RPLP2: variants seen among roughly 807,000 people sequenced by gnomAD.
RPLP2 encodes the protein large ribosomal subunit protein P2.
A neutral mutation model predicts 11.5 loss-of-function variants in RPLP2; 1 was observed. The ratio of observed to expected loss-of-function variants is 0.09; its 90% CI spans 0.03 to 0.41. The LOEUF (loss-of-function observed/expected upper bound fraction) is 0.41. Among genes scored for constraint, RPLP2 ranks in the 10% least tolerant of loss-of-function variants. The pLI is 0.98. For synonymous variants in RPLP2, 82 were observed against 55.9 expected, an observed-to-expected ratio of 1.47 and a Z score of -2.08; for missense variants, 177 against 145.6, an observed-to-expected ratio of 1.22 and a Z score of -1.11.
chr11:810,059 C>T lies in RPLP2; in HGVS notation c.-2+20C>T. 1.3e-6 allele frequency: 1 copy of T among 758,686 alleles called. No homozygotes were observed. The highest frequency in any genetic ancestry group is 1.9e-6 in the Non-Finnish European group (1 of 529,526). 47.0% of individuals were successfully genotyped at this position (758,686 alleles called of 1,614,324 possible). On this transcript the variant is annotated intron_variant, in intron 1 of 4. Coordinates refer to ENST00000321153, the MANE Select transcript of RPLP2 (RefSeq NM_001004.4). ...CGCCGCGTGAGTGTGGTGACCGGGC[C>T]CGGGGTGCCGGCTGGGGACGCGGAG...
In RPLP2 at chr11:811,637, T is replaced by C. The variant is rs769133228; in HGVS notation, c.164T>C (p.Ile55Thr). Residue 55 changes from isoleucine (I) to threonine (T), a missense_variant, in exon 3 of 5, where the codon ATT becomes ACT. By Grantham distance (89) the Ile-to-Thr change is moderately conservative (BLOSUM62 -1). Coordinates refer to ENST00000321153, the MANE Select transcript of RPLP2 (RefSeq NM_001004.4). ...AATGGAAAAAACATTGAAGACGTCA[T>C]TGCCCAGGGTGAGTTGATGTGGACG... is the stretch of plus-strand genomic sequence containing the variant. ...ELNGKNIEDV[I>T]AQGIGKLASV... The C allele has an allele frequency of 1.2e-6, 2 of 1,614,220 alleles. No individual in the cohort carries two copies. The highest frequency in any genetic ancestry group is 1.1e-5 in the South Asian group (1 of 91,090).
chr11:811,762 G>A (rs751614570), intron 3 of RPLP2, 117 bp downstream of exon 3: 8 of 1,326,164 alleles, frequency 6.0e-6, no homozygotes, highest in African/African-American at 4.3e-5. Flanking sequence ...AGCCTCACCC[G>A]AGGAGTGAGC....
intron 2 of RPLP2, 54 bp downstream of exon 2, chr11:810,411 G>A (rs1865993547): frequency 6.5e-7 from 1 of 1,547,184 alleles, no homozygotes; most frequent in Non-Finnish European, 8.8e-7. Context: ...TCCCATACAG[G>A]CGATTCTTCT....
rs147750535 is a variant in RPLP2, at chr11:810,279, C to G, written c.45C>G (p.Asn15Lys). ...ACCTGCTGGCTGCCCTAGGGGGCAA[C>G]TCCTCCCCCAGCGCCAAGGACATCA... ...ASYLLAALGG[N>K]SSPSAKDIKK... The change falls in exon 2 of 5, where the codon AAC becomes AAG. Residue 15 changes from asparagine to lysine, a missense_variant. Asn to Lys is a moderately conservative substitution (Grantham distance 94, BLOSUM62 0). Transcript: ENST00000321153. The G allele has an allele frequency of 3.1e-6, 5 of 1,607,674 alleles. No individual in the cohort carries two copies. The highest frequency in any genetic ancestry group is 1.1e-5 in the South Asian group (1 of 90,232).
rs758567030 is a variant in RPLP2 at position 812,863 on chromosome 11, T to A, written c.*27T>A. 2.5e-6 allele frequency: 4 copies of A among 1,609,254 alleles called. No individual in the cohort carries two copies. Among genetic ancestry groups the A allele is most frequent in the Middle Eastern group, 4.3e-4 (2 of 4,626 alleles). On this transcript the variant is annotated 3_prime_UTR_variant, in exon 5 of 5. Coordinates refer to ENST00000321153, the MANE Select transcript of RPLP2 (RefSeq NM_001004.4). ...TTCCTGCTCCCCTGCAAATAAAGCCTTTTTACACATCTCTCAAGTATTCCA... is the reference window on the plus strand; with the variant it reads ...TTCCTGCTCCCCTGCAAATAAAGCCATTTTACACATCTCTCAAGTATTCCA...
chr11:811,893 C>G lies in RPLP2; in HGVS notation c.172+248C>G, dbSNP rs776108729. 3 of 728,912 alleles carry G rather than the reference C, an allele frequency of 4.1e-6. No homozygotes were observed. The African/African-American group carries it at 5.2e-5, about 13-fold the overall frequency. The allele number at this position is 728,912 out of a possible 1,614,324, so 45.2% of individuals were successfully genotyped here. A position where few individuals can be genotyped will look rare whatever the true frequency, so the allele number is the denominator to read the frequency against. On this transcript the variant is annotated intron_variant, in intron 3 of 4. Coordinates refer to ENST00000321153, the MANE Select transcript of RPLP2 (RefSeq NM_001004.4). ...CCCTGCCTCTTAAGCCTGACTGCTCCTAGCCCTGAGGCCATTCCCCAGGAT... is the reference window on the plus strand; with the variant it reads ...CCCTGCCTCTTAAGCCTGACTGCTCGTAGCCCTGAGGCCATTCCCCAGGAT...
In RPLP2 at chr11:811,597, G is replaced by C; in HGVS notation, c.124G>C (p.Val42Leu). ...ACAGCCCTGTGATTGTCTGCTTCAGGTTATCAGTGAGCTGAATGGAAAAAA... is the reference window on the plus strand; with the variant it reads ...ACAGCCCTGTGATTGTCTGCTTCAGCTTATCAGTGAGCTGAATGGAAAAAA... ...IEADDDRLNKVISELNGKNIE... is the reference protein window; with the variant it reads ...IEADDDRLNKLISELNGKNIE... Residue 42 changes from valine (V) to leucine (L), a missense_variant and splice_region_variant, in exon 3 of 5, where the codon GTT becomes CTT. Coordinates refer to ENST00000321153, the MANE Select transcript of RPLP2 (RefSeq NM_001004.4). 6.2e-7 allele frequency: 1 copy of C among 1,614,186 alleles called. No homozygotes were observed. The highest frequency in any genetic ancestry group is 8.5e-7 in the Non-Finnish European group (1 of 1,180,024).
rs140116545 is a variant in RPLP2, at chr11:810,244, G to A, written c.10G>A (p.Val4Ile). ...CTCCGCCCGCCTCAGGATGCGCTAC[G>A]TCGCCTCCTACCTGCTGGCTGCCCT... MRY[V>I]ASYLLAALGG... Residue 4 changes from valine to isoleucine, a missense_variant, in exon 2 of 5, where the codon GTC becomes ATC. Coordinates refer to ENST00000321153, the MANE Select transcript of RPLP2 (RefSeq NM_001004.4). 9.5e-6 allele frequency: 15 copies of A among 1,580,046 alleles called. No homozygotes were observed. The African/African-American group carries it at 1.9e-4, about 20-fold the overall frequency.
chr11:812,685 C>T (rs577514967), intron 4 of RPLP2, 52 bp downstream of exon 4: 66 of 1,612,592 alleles, frequency 4.1e-5, no homozygotes, highest in South Asian at 4.0e-4. Context: ...GACGGTGTTG[C>T]TGCAGTGGGG....
chr11:812,463 C>T lies in RPLP2; in HGVS notation c.173-72C>T, dbSNP rs533066683. 1.3e-4 allele frequency: 199 copies of T among 1,587,366 alleles called. No homozygotes were observed. In the African/African-American group the frequency reaches 2.4e-3, roughly 19 times the overall value. On this transcript the variant is annotated intron_variant, in intron 3 of 4. Transcript: ENST00000321153. ...GGGTGCCATGTGCCATCTCTGGTGCCATCTAACTTCCCTGTGGAACAGCCT... is the reference window on the plus strand; with the variant it reads ...GGGTGCCATGTGCCATCTCTGGTGCTATCTAACTTCCCTGTGGAACAGCCT...
rs1163428260 is a variant in RPLP2, at chr11:812,532, T to C, written c.173-3T>C. 1 of 1,609,172 alleles carries C rather than the reference T, an allele frequency of 6.2e-7. No individual in the cohort carries two copies. Among genetic ancestry groups the C allele is most frequent in the Admixed American group, 1.7e-5 (1 of 60,022 alleles). On this transcript the variant is annotated splice_region_variant and splice_polypyrimidine_tract_variant and intron_variant, in intron 3 of 4. Transcript: ENST00000321153. ...TCTGGTCTCACCTCTCTGCTTTCTGTAGGTATTGGCAAGCTTGCCAGTGTA... is the reference window on the plus strand; with the variant it reads ...TCTGGTCTCACCTCTCTGCTTTCTGCAGGTATTGGCAAGCTTGCCAGTGTA...
rs17155725 is a variant in RPLP2, at chr11:810,009, T to TCTCCGCCGC, written c.-22_-14dup. On this transcript the variant is annotated 5_prime_UTR_variant, in exon 1 of 5. Coordinates refer to ENST00000321153, the MANE Select transcript of RPLP2 (RefSeq NM_001004.4). ...CCACCGAGGTCGCACGCGTGAGACT[T>TCTCCGCCGC]CTCCGCCGCCTCCGCCGCAGACGCC... 6.3e-6 allele frequency: 3 copies of TCTCCGCCGC among 477,244 alleles called. No individual in the cohort carries two copies. Among genetic ancestry groups the TCTCCGCCGC allele is most frequent in the Non-Finnish European group, 1.0e-5 (3 of 289,766 alleles). The allele number at this position is 477,244 out of a possible 1,614,324, so 29.6% of individuals were successfully genotyped here. A position where few individuals can be genotyped will look rare whatever the true frequency, so the allele number is the denominator to read the frequency against.
chr11:811,175 C>G (rs774238647), intron 2 of RPLP2, among the ~76,000 whole-genome samples: 8 of 152,014 alleles, frequency 5.3e-5, no homozygotes, highest in Non-Finnish European at 1.0e-4. Context: ...CTCTAAAATA[C>G]AATAAAAAAT....
chr11:811,867 G>T (rs1401008922), intron 3 of RPLP2: 3 of 759,584 alleles, frequency 3.9e-6, no homozygotes, highest in East Asian at 4.9e-5. Flanking sequence ...CGTTTAGGTG[G>T]CCCTGCCTCT....
At chr11:811,674 G>C (rs754734134) in intron 3 of RPLP2, 29 bp downstream of exon 3, 10 of 1,613,958 alleles carry the variant, frequency 6.2e-6, no homozygotes, top group Admixed American at 3.3e-5. Context: ...GCTTTCGTTT[G>C]TTTTCATGGT....
Position 809,994 on chromosome 11 carries a change from C to A in RPLP2, c.-47C>A, listed in dbSNP as rs929544452. 1 of 423,238 alleles carries A rather than the reference C, an allele frequency of 2.4e-6. No homozygotes were observed. Among genetic ancestry groups the A allele is most frequent in the South Asian group, 5.9e-5 (1 of 16,842 alleles). 26.2% of individuals were successfully genotyped at this position (423,238 alleles called of 1,614,324 possible). On this transcript the variant is annotated 5_prime_UTR_variant, in exon 1 of 5. Coordinates refer to ENST00000321153, the MANE Select transcript of RPLP2 (RefSeq NM_001004.4). ...TTTTCCTCCCTGTCGCCACCGAGGT[C>A]GCACGCGTGAGACTTCTCCGCCGCC...
rs201483585 is a variant in RPLP2, at chr11:811,557, C to G, written c.124-40C>G. Reference sequence around the variant, plus strand: ...GGAGGGAGAGGGCCGGGGATACAATCGTACATTCCTGGTAACAGCCCTGTG... The same window carrying G: ...GGAGGGAGAGGGCCGGGGATACAATGGTACATTCCTGGTAACAGCCCTGTG... On this transcript the variant is annotated intron_variant, in intron 2 of 4. Coordinates refer to ENST00000321153, the MANE Select transcript of RPLP2 (RefSeq NM_001004.4). 14 of 1,613,334 alleles carry G rather than the reference C, an allele frequency of 8.7e-6. No homozygotes were observed. The African/African-American group carries it at 1.9e-4, about 21-fold the overall frequency.
chr11:810,792 A>G (rs1431896488), intron 2 of RPLP2, among the ~76,000 whole-genome samples: 3 of 39,246 alleles, frequency 7.6e-5, no homozygotes, highest in African/African-American at 2.5e-4. Context: ...TCTCAAAAGG[A>G]AAAAAAAAAA....
In RPLP2 at chr11:812,592, C is replaced by G; in HGVS notation, c.230C>G (p.Pro77Arg). The change falls in exon 4 of 5, where the codon CCA becomes CGA. Residue 77 changes from proline (P) to arginine (R), a missense_variant. By Grantham distance (103) the Pro-to-Arg change is moderately radical (BLOSUM62 -2). Transcript: ENST00000321153. ...GGGGCTGTAGCCGTCTCTGCTGCCC[C>G]AGGCTCTGCAGCCCCTGCTGCTGGT... ...AGGAVAVSAAPGSAAPAAGSA... is the reference protein window; with the variant it reads ...AGGAVAVSAARGSAAPAAGSA... 6.2e-7 allele frequency: 1 copy of G among 1,609,582 alleles called. No homozygotes were observed.
Sources: gnomAD v4.1 joint callset for allele counts (sites outside exome capture counted in the v4.1 genomes callset) on GRCh38, gnomAD v4.1.1 for gene constraint, MANE v1.5 for transcripts, NCBI Gene and HGNC (gene_info 2026-07-23, HGNC 2026-07-21) for gene names.